ETV5: variants seen among roughly 807,000 people sequenced by gnomAD.
ETV5 encodes ETS variant transcription factor 5, also known as ETS translocation variant 5.
In ETV5, 10 loss-of-function variants were observed where a neutral mutation model predicts 70.0. The observed-to-expected ratio is 0.14, with a 90% CI of 0.09 to 0.24. ETV5 has a LOEUF of 0.24. ETV5 is among the 10% of genes least tolerant of loss of function. The probability of loss-of-function intolerance (pLI) is 1.00; values close to 1 mark genes in which losing one functional copy is unlikely to be tolerated. For missense variants in ETV5, 453 were observed against 651.2 expected (o/e 0.70, Z 3.31); for synonymous variants, 216 against 242.2 (o/e 0.89, Z 1.01).
rs767234986 is a variant in ETV5, at chr3:186,052,816, G to T, written c.1210-685C>A. 5.9e-5 allele frequency among the ~76,000 whole-genome samples: 9 copies of T among 152,132 alleles called. No homozygotes were observed. Among genetic ancestry groups the T allele is most frequent in the Non-Finnish European group, 1.2e-4 (8 of 68,022 alleles). On this transcript the variant is annotated intron_variant, in intron 11 of 12. Transcript: ENST00000306376. The surrounding 1 kb of genome is among the most constrained non-coding windows in gnomAD (Gnocchi z 4.5). Reference sequence around the variant, plus strand: ...AGTCCACCTGAGGCACACTGATAGGGCAATATAATTGGAGCTCTGGGCAAA... The same window carrying T: ...AGTCCACCTGAGGCACACTGATAGGTCAATATAATTGGAGCTCTGGGCAAA...
chr3:186,049,440 A>G (rs752350545), intron 12 of ETV5, among the ~76,000 whole-genome samples: 4 of 152,164 alleles, frequency 2.6e-5, no homozygotes, highest in Non-Finnish European at 5.9e-5. Flanking sequence ...TCTGCATTAT[A>G]ATATTAGAAC....
chr3:186,066,033 A>G lies in ETV5; in HGVS notation c.690T>C (p.Pro230=). The G allele has an allele frequency of 6.2e-7, 1 of 1,609,144 alleles. No homozygotes were observed. Among genetic ancestry groups the G allele is most frequent in the Non-Finnish European group, 8.5e-7 (1 of 1,177,728 alleles). ...RQLSEPCHPF[P]PQPGVPGDNR... is the part of the protein sequence containing the mutation. ...TATCTCCAGGAACTCCTGGCTGAGG[A>G]GGGAAGGGGTGGCAGGGTTCAGACA... is the stretch of plus-strand genomic sequence containing the variant. Residue 230 remains proline, a synonymous_variant, in exon 8 of 13, where the codon CCT becomes CCC. Transcript: ENST00000306376.
rs1330740486 is a variant in ETV5 at position 186,052,114 on chromosome 3, G to T, written c.1227C>A (p.Gly409=). The change falls in exon 12 of 13, where the codon GGC becomes GGA. Residue 409 remains glycine (G), a synonymous_variant. Transcript: ENST00000306376. The surrounding 1 kb of genome is among the most constrained non-coding windows in gnomAD (Gnocchi z 4.5). ...IEPEEVARRW[G]IQKNRPAMNY... is the part of the protein sequence containing the mutation. ...TCATGGCTGGCCGGTTCTTCTGGAT[G>T]CCCCAGCGCCGAGCAACCTGAAGAG... 2 of 1,613,750 alleles carry T rather than the reference G, an allele frequency of 1.2e-6. No individual in the cohort carries two copies. The highest frequency in any genetic ancestry group is 1.7e-6 in the Non-Finnish European group (2 of 1,179,786).
chr3:186,055,391 G>C (rs1210740359), intron 11 of ETV5, among the ~76,000 whole-genome samples: 1 of 152,184 alleles, frequency 6.6e-6, no homozygotes, highest in East Asian at 1.9e-4. Context: ...GGGTCGGCGT[G>C]GGGTGGATGG....
At chr3:186,100,375 G>A (rs1033115078) in intron 5 of ETV5, among the ~76,000 whole-genome samples, 2 of 152,146 alleles carry the variant, frequency 1.3e-5, no homozygotes, top group Non-Finnish European at 2.9e-5. Context: ...TTGAATAGAG[G>A]TGGCCCAAGC....
At chr3:186,069,546 A>T (rs957889304) in intron 7 of ETV5, among the ~76,000 whole-genome samples, 1 of 151,970 alleles carries the variant, frequency 6.6e-6, no homozygotes, top group Non-Finnish European at 1.5e-5. Context: ...AAAGACTTAA[A>T]AAAAAGTCTT....
intron 7 of ETV5, among the ~76,000 whole-genome samples, chr3:186,077,445 C>A (rs1419846914): frequency 6.6e-6 from 1 of 152,130 alleles, no homozygotes; most frequent in Non-Finnish European, 1.5e-5. Context: ...TGTGTACTAT[C>A]CAGTATCTAG....
chr3:186,088,107 T>C (rs1293618638), intron 5 of ETV5, among the ~76,000 whole-genome samples: 1 of 152,202 alleles, frequency 6.6e-6, no homozygotes, highest in African/African-American at 2.4e-5. Context: ...GTTTTGGGGT[T>C]TTCCTTGTCC....
chr3:186,057,554 T>C lies in ETV5; in HGVS notation c.971-63A>G. 1 of 1,372,388 alleles carries C rather than the reference T, an allele frequency of 7.3e-7. No homozygotes were observed. Among genetic ancestry groups the C allele is most frequent in the Non-Finnish European group, 1.0e-6 (1 of 960,618 alleles). The allele number at this position is 1,372,388 out of a possible 1,614,324, so 85.0% of individuals were successfully genotyped here. On this transcript the variant is annotated intron_variant, in intron 9 of 12. Coordinates refer to ENST00000306376, the MANE Select transcript of ETV5 (RefSeq NM_004454.3). The surrounding 1 kb of genome is among the most constrained non-coding windows in gnomAD (Gnocchi z 4.9). ...CAAATTCTGTGTTGTACTAAAACTA[T>C]GGATTTAAGGACTAGAGTGCAATCC...
At chr3:186,070,058 C>T (rs560477308) in intron 7 of ETV5, among the ~76,000 whole-genome samples, 2 of 152,212 alleles carry the variant, frequency 1.3e-5, no homozygotes, top group South Asian at 2.1e-4. Context: ...GTGATCTGCT[C>T]GCCTCGGCCT....
intron 11 of ETV5, among the ~76,000 whole-genome samples, chr3:186,053,873 A>G (rs760601274): frequency 6.6e-6 from 1 of 152,248 alleles, no homozygotes; most frequent in Non-Finnish European, 1.5e-5. Flanking sequence ...CAAAGCAATG[A>G]TGCCTTATAA....
chr3:186,046,539 A>G lies in ETV5; in HGVS notation c.*2100T>C, dbSNP rs76905089. 6.7e-3 allele frequency: 1,555 copies of G among 231,868 alleles called. 17 individuals are homozygous for G. Among genetic ancestry groups the G allele is most frequent in the African/African-American group, 0.032 (1,446 of 45,326 alleles). The allele number at this position is 231,868 out of a possible 1,614,324, so 14.4% of individuals were successfully genotyped here. A position where few individuals can be genotyped will look rare whatever the true frequency, so the allele number is the denominator to read the frequency against. On this transcript the variant is annotated 3_prime_UTR_variant, in exon 13 of 13. Transcript: ENST00000306376. The stretch of plus-strand genomic sequence containing the variant: ...ACCATCCGGGAGGTGCATGAGTCCA[A>G]TGGGAATGCAACCGTGATGCCGCTG...
At chr3:186,084,212 T>C in intron 5 of ETV5, 1 of 447,152 alleles carries the variant, frequency 2.2e-6, no homozygotes, top group South Asian at 1.6e-5. Context: ...GACCCAGGAC[T>C]ATAAAGGATG....
rs763633676 is a variant in ETV5, at chr3:186,064,423, G to A, written c.964C>T (p.His322Tyr). The change falls in exon 9 of 13, where the codon CAT becomes TAT. Residue 322 changes from histidine to tyrosine, a missense_variant. By Grantham distance (83) the His-to-Tyr change is moderately conservative. Transcript: ENST00000306376. ...YMRGGYFSSS[H>Y]EGFSYEKDPR... The stretch of plus-strand genomic sequence containing the variant: ...AGAAAAGCAGGTTCCTTACCTTCAT[G>A]GCTGCTGGAGAAATAACCCCCTCTC... 2.5e-6 allele frequency: 4 copies of A among 1,614,024 alleles called. No individual in the cohort carries two copies. The Admixed American group carries it at 6.7e-5, about 27-fold the overall frequency.
At chr3:186,049,567 C>T (rs1286144790) in intron 12 of ETV5, among the ~76,000 whole-genome samples, 2 of 152,106 alleles carry the variant, frequency 1.3e-5, no homozygotes, top group African/African-American at 4.8e-5. Flanking sequence ...CACCTAATAC[C>T]GAAAATCAAA....
At chr3:186,092,122 T>C (rs1243127789) in intron 5 of ETV5, among the ~76,000 whole-genome samples, 1 of 152,034 alleles carries the variant, frequency 6.6e-6, no homozygotes, top group Non-Finnish European at 1.5e-5. Flanking sequence ...ATAGAGACTA[T>C]CTCCAGAAAG....
At chr3:186,051,949 T>G in intron 12 of ETV5, 81 bp downstream of exon 12, 1 of 1,378,056 alleles carries the variant, frequency 7.3e-7, no homozygotes, top group South Asian at 1.2e-5. Context: ...GTAGCGACGA[T>G]CACCAGTCTC....
At chr3:186,050,671 C>T (rs1713005797) in intron 12 of ETV5, among the ~76,000 whole-genome samples, 1 of 152,168 alleles carries the variant, frequency 6.6e-6, no homozygotes, top group East Asian at 1.9e-4. Flanking sequence ...CAGCATTTAA[C>T]TCTGTATCAA....
rs143339376 is a variant in ETV5 at position 186,105,237 on chromosome 3, T to C, written c.232+68A>G. ...CTGGCCATAGCTGAAAAAAGCATAT[T>C]CTAGACATGGATGATCTAAGACCAA... On this transcript the variant is annotated intron_variant, in intron 5 of 12. Coordinates refer to ENST00000306376, the MANE Select transcript of ETV5 (RefSeq NM_004454.3). This position sits in a 1 kb window ranked among gnomAD's most constrained non-coding sequence, Gnocchi z 4.5. The C allele has an allele frequency of 3.6e-6, 5 of 1,379,922 alleles. No individual in the cohort carries two copies. In the African/African-American group the frequency reaches 7.3e-5, roughly 20 times the overall value. 85.5% of individuals were successfully genotyped at this position (1,379,922 alleles called of 1,614,324 possible). A position where few individuals can be genotyped will look rare whatever the true frequency, so the allele number is the denominator to read the frequency against.
Sources: gnomAD v4.1 joint callset for allele counts (sites outside exome capture counted in the v4.1 genomes callset) on GRCh38, gnomAD v4.1.1 for gene constraint, Gnocchi (gnomAD v3.1) non-coding constraint, MANE v1.5 for transcripts, NCBI Gene and HGNC (gene_info 2026-07-23, HGNC 2026-07-21) for gene names.